The following COPS2 variants were observed in gnomAD, a reference collection of about 807,000 sequenced individuals.
COPS2 encodes the protein COP9 signalosome complex subunit 2.
Under a neutral mutation model 66.1 loss-of-function variants are expected in COPS2, and 10 were observed. The observed-to-expected ratio is 0.15, with a 90% CI of 0.09 to 0.26. The LOEUF is 0.26. Ranked by LOEUF, COPS2 falls within the 10% of genes least tolerant of loss-of-function variation. The pLI, the probability that COPS2 is intolerant of heterozygous loss-of-function variation, is 1.00. For missense variants in COPS2, 215 were observed against 513.3 expected, an observed-to-expected ratio of 0.42 and a Z score of 5.62; for synonymous variants, 179 against 171.3, an observed-to-expected ratio of 1.04 and a Z score of -0.35.
At chr15:49,147,793 T>C (rs1400529492) in intron 1 of COPS2, among the ~76,000 whole-genome samples, 2 of 151,954 alleles carry the variant, frequency 1.3e-5, no homozygotes, top group Non-Finnish European at 2.9e-5. Flanking sequence ...CTTCGTTTTG[T>C]GACTACATTC....
intron 1 of COPS2, among the ~76,000 whole-genome samples, chr15:49,151,457 A>C (rs961120953): frequency 2.6e-5 from 4 of 152,202 alleles, no homozygotes; most frequent in South Asian, 4.1e-4. Context: ...AACAGGACTT[A>C]CTAAAGACTA....
chr15:49,149,896 G>A (rs1344508069), intron 1 of COPS2, among the ~76,000 whole-genome samples: 17 of 152,120 alleles, frequency 1.1e-4, no homozygotes. Context: ...AGCCATTTAT[G>A]GTTTAGCTAC....
chr15:49,145,453 T>C (rs1450760756), intron 1 of COPS2, among the ~76,000 whole-genome samples: 3 of 152,216 alleles, frequency 2.0e-5, no homozygotes, highest in Non-Finnish European at 2.9e-5. Context: ...AGATGTGTTC[T>C]AATTATTAAT....
At chr15:49,129,703 G>A in intron 10 of COPS2, 144 bp from the exon 11 acceptor site, 1 of 409,692 alleles carries the variant, frequency 2.4e-6, no homozygotes, top group Non-Finnish European at 4.4e-6. Flanking sequence ...AAAATACCTG[G>A]GTCAATGGAT....
Position 49,127,769 on chromosome 15 carries a change from G to T in COPS2, c.*181C>A, listed in dbSNP as rs1194911506. 17 of 602,526 alleles carry T rather than the reference G, an allele frequency of 2.8e-5. No homozygotes were observed. The highest frequency in any genetic ancestry group is 4.4e-5 in the Non-Finnish European group (16 of 365,344). The allele number at this position is 602,526 out of a possible 1,614,324, so 37.3% of individuals were successfully genotyped here. A position where few individuals can be genotyped will look rare whatever the true frequency, so the allele number is the denominator to read the frequency against. ...TGGTTTTCTTCTGGAGATTAAAGCT[G>T]TTTTTCTTGGGATAAATGCAGCAGC... On this transcript the variant is annotated 3_prime_UTR_variant, in exon 13 of 13. Coordinates refer to ENST00000388901, the MANE Select transcript of COPS2 (RefSeq NM_004236.4).
At chr15:49,148,756 T>C (rs2084338638) in intron 1 of COPS2, among the ~76,000 whole-genome samples, 1 of 152,112 alleles carries the variant, frequency 6.6e-6, no homozygotes, top group Non-Finnish European at 1.5e-5. Flanking sequence ...GGAGAAAAGT[T>C]AGGGGACACA....
chr15:49,146,558 C>T (rs1053808413), intron 1 of COPS2, among the ~76,000 whole-genome samples: 1 of 152,064 alleles, frequency 6.6e-6, no homozygotes, highest in Non-Finnish European at 1.5e-5. Flanking sequence ...GAGAATAGTA[C>T]ACGTAGTAAC....
rs749097612 is a variant in COPS2, at chr15:49,128,767, C to G, written c.1129-7G>C. ...CTACATCTATGTTTAACTCCTAAGA[C>G]AAAAGACTTGTTATATACCAATTAA... On this transcript the variant is annotated splice_region_variant and splice_polypyrimidine_tract_variant and intron_variant, in intron 11 of 12. Coordinates refer to ENST00000388901, the MANE Select transcript of COPS2 (RefSeq NM_004236.4). The G allele has an allele frequency of 6.3e-7, 1 of 1,593,088 alleles. No homozygotes were observed. Among genetic ancestry groups the G allele is most frequent in the South Asian group, 1.1e-5 (1 of 89,732 alleles).
chr15:49,143,156 G>C (rs2084300070), intron 3 of COPS2, among the ~76,000 whole-genome samples: 1 of 152,140 alleles, frequency 6.6e-6, no homozygotes, highest in Non-Finnish European at 1.5e-5. Context: ...GAAACAGCAG[G>C]TGCAAGCCTT....
At chr15:49,153,319 G>GA (rs75762192) in intron 1 of COPS2, among the ~76,000 whole-genome samples, 42 of 144,778 alleles carry the variant, frequency 2.9e-4, no homozygotes, top group Middle Eastern at 3.5e-3. Flanking sequence ...ACACATACAT[G>GA]AAAAAAAAAA....
At chr15:49,133,113 C>T (rs537030628) in intron 9 of COPS2, among the ~76,000 whole-genome samples, 18 of 152,038 alleles carry the variant, frequency 1.2e-4, no homozygotes, top group African/African-American at 3.6e-4. Context: ...CTCAGCCTCC[C>T]GAGTAGCTGA....
intron 3 of COPS2, among the ~76,000 whole-genome samples, chr15:49,140,310 A>G (rs1367684222): frequency 6.6e-6 from 1 of 152,088 alleles, no homozygotes; most frequent in Non-Finnish European, 1.5e-5. Flanking sequence ...CCAAGCTTTC[A>G]AATGCCTTGG....
chr15:49,137,118 G>C (rs1364988254), intron 6 of COPS2, 32 bp downstream of exon 6: 2 of 1,369,620 alleles, frequency 1.5e-6, no homozygotes, highest in Non-Finnish European at 2.0e-6. Flanking sequence ...TTATTATGAA[G>C]AAATATTCAG....
chr15:49,146,506 T>C (rs576818560), intron 1 of COPS2, among the ~76,000 whole-genome samples: 31 of 152,238 alleles, frequency 2.0e-4, no homozygotes, highest in African/African-American at 7.0e-4. Flanking sequence ...TTTTGAAAGA[T>C]AAATGGAAGT....
chr15:49,144,135 A>C (rs2084306685), intron 3 of COPS2, 92 bp downstream of exon 3: 2 of 816,288 alleles, frequency 2.5e-6, no homozygotes, highest in East Asian at 2.5e-5. Flanking sequence ...CCAAAGAAGT[A>C]CTTTAGAAAA....
Position 49,133,936 on chromosome 15 carries a change from T to A in COPS2, c.888A>T (p.Ser296=). The A allele has an allele frequency of 6.2e-7, 1 of 1,609,394 alleles. No homozygotes were observed. The highest frequency in any genetic ancestry group is 8.5e-7 in the Non-Finnish European group (1 of 1,177,410). ...LMKSGINPFD[S]QEAKPYKNDP... is the part of the protein sequence containing the mutation. ...ACAATTAAAACACACGTACCTCCTGTGAGTCAAATGGATTTATTCCCGATT... is the reference window on the plus strand; with the variant it reads ...ACAATTAAAACACACGTACCTCCTGAGAGTCAAATGGATTTATTCCCGATT... Residue 296 remains serine (S), a synonymous_variant, in exon 8 of 13, where the codon TCA becomes TCT. Coordinates refer to ENST00000388901, the MANE Select transcript of COPS2 (RefSeq NM_004236.4).
chr15:49,129,873 T>C (rs1426926865), intron 10 of COPS2, among the ~76,000 whole-genome samples: 3 of 152,222 alleles, frequency 2.0e-5, no homozygotes, highest in Non-Finnish European at 4.4e-5. Context: ...CTCTGATTTA[T>C]ACCAGCCAGC....
At chr15:49,144,820 C>G in intron 2 of COPS2, 145 bp downstream of exon 2, 1 of 517,822 alleles carries the variant, frequency 1.9e-6, no homozygotes, top group Non-Finnish European at 3.4e-6. Context: ...CGTTTTGAAA[C>G]ACTTGCTTGT....
rs140478003 is a variant in COPS2, at chr15:49,128,986, T to C, written c.1129-226A>G. Among the ~76,000 whole-genome samples the C allele has an allele frequency of 5.9e-5, 9 of 152,332 alleles. No individual in the cohort carries two copies. In the East Asian group the frequency reaches 1.5e-3, roughly 26 times the overall value. Reference sequence around the variant, plus strand: ...CATTCCTGCAACAATTTTATTGTGGTTGAAGTTAACCCTTCATCAATTACA... The same window carrying C: ...CATTCCTGCAACAATTTTATTGTGGCTGAAGTTAACCCTTCATCAATTACA... On this transcript the variant is annotated intron_variant, in intron 11 of 12. Transcript: ENST00000388901.
Sources: allele counts gnomAD v4.1 joint callset (sites outside exome capture counted in the v4.1 genomes callset), GRCh38; gene constraint gnomAD v4.1.1; transcripts MANE v1.5; gene names NCBI Gene and HGNC (gene_info 2026-07-23, HGNC 2026-07-21).